ADK: variants seen among roughly 807,000 people sequenced by gnomAD.
The protein encoded by ADK is N6,N6-dimethyladenosine kinase.
In ADK, 24 loss-of-function variants were observed where a neutral mutation model predicts 44.7. The observed-to-expected ratio is 0.54, with a 90% confidence interval of 0.39 to 0.76. The LOEUF is 0.76. Among genes scored for constraint, ADK ranks in the 30% least tolerant of loss-of-function variants. The probability of loss-of-function intolerance (pLI) is 0.00; values close to 1 mark genes in which losing one functional copy is unlikely to be tolerated. For missense variants in ADK, 321 were observed against 425.1 expected (o/e 0.76, Z 2.15); for synonymous variants, 128 against 142.6 (o/e 0.90, Z 0.73).
chr10:74,377,232 G>A (rs1244802327), intron 4 of ADK, among the ~76,000 whole-genome samples: 1 of 152,152 alleles, frequency 6.6e-6, no homozygotes, highest in Non-Finnish European at 1.5e-5. Context: ...CATGAGATCT[G>A]TAAATCTGGA....
At chr10:74,416,837 C>G (rs1001487076) in intron 6 of ADK, among the ~76,000 whole-genome samples, 1 of 151,632 alleles carries the variant, frequency 6.6e-6, no homozygotes, top group African/African-American at 2.4e-5. Flanking sequence ...TAGAATAGTC[C>G]ACCAAAAATA....
chr10:74,595,770 G>A (rs77826317), intron 8 of ADK, among the ~76,000 whole-genome samples: 117,925 of 118,070 alleles, frequency 1, 58,890 homozygotes, highest in Admixed American at 1. Flanking sequence ...GCCAAGGTGG[G>A]TGGATCACCT....
At chr10:74,538,968 C>T (rs1171489282) in intron 7 of ADK, among the ~76,000 whole-genome samples, 1 of 152,070 alleles carries the variant, frequency 6.6e-6, no homozygotes, top group African/African-American at 2.4e-5. Flanking sequence ...TAATTATGTA[C>T]ACCAAATAGT....
chr10:74,502,152 A>G (rs909378635), intron 6 of ADK, among the ~76,000 whole-genome samples: 1 of 152,128 alleles, frequency 6.6e-6, no homozygotes, highest in Admixed American at 6.5e-5. Flanking sequence ...AGCTAGTCCA[A>G]ACCCAGGCCA....
At chr10:74,245,234 AAT>A (rs1172734734) in intron 3 of ADK, among the ~76,000 whole-genome samples, 12 of 152,256 alleles carry the variant, frequency 7.9e-5, no homozygotes. Flanking sequence ...TAGGCCAGTA[AAT>A]ATATATAGTA....
intron 9 of ADK, among the ~76,000 whole-genome samples, chr10:74,619,143 G>A (rs1245085843): frequency 6.6e-6 from 1 of 151,132 alleles, no homozygotes; most frequent in East Asian, 1.9e-4. Flanking sequence ...CTTCTGCTTT[G>A]TCCCATCTGC....
At chr10:74,501,368 A>C (rs1002184420) in intron 6 of ADK, among the ~76,000 whole-genome samples, 5 of 152,208 alleles carry the variant, frequency 3.3e-5, no homozygotes, top group Non-Finnish European at 5.9e-5. Context: ...TCTTCATCAT[A>C]TATAAAATTT....
intron 7 of ADK, among the ~76,000 whole-genome samples, chr10:74,582,101 T>A (rs753204177): frequency 3.9e-5 from 6 of 152,266 alleles, no homozygotes; most frequent in Non-Finnish European, 8.8e-5. Flanking sequence ...CAACCACGTA[T>A]TATCTCATTA....
chr10:74,241,622 G>A (rs1460027341), intron 3 of ADK, among the ~76,000 whole-genome samples: 3 of 152,164 alleles, frequency 2.0e-5, no homozygotes, highest in African/African-American at 7.2e-5. Context: ...CTGACCTCAA[G>A]TGATCCACCC....
intron 3 of ADK, among the ~76,000 whole-genome samples, chr10:74,283,540 C>A (rs1376427168): frequency 6.8e-6 from 1 of 147,322 alleles, no homozygotes; most frequent in African/African-American, 2.5e-5. Context: ...CATCTTTGAT[C>A]CCCAGGTTGC....
chr10:74,302,101 GTTTGTTTGTT>G lies in ADK; in HGVS notation c.195-12562_195-12553del, dbSNP rs1840063204. Among the ~76,000 whole-genome samples, 9 of 11,690 alleles carry G rather than the reference GTTTGTTTGTT, an allele frequency of 7.7e-4. 1 individual carries two copies. Among genetic ancestry groups the G allele is most frequent in the African/African-American group, 2.6e-3 (9 of 3,528 alleles). The allele number at this position is 11,690 out of a possible 152,430, so 7.7% of individuals were successfully genotyped here. On this transcript the variant is annotated intron_variant, in intron 3 of 10. Coordinates refer to ENST00000539909, the MANE Select transcript of ADK (RefSeq NM_006721.4). ...TTCTTTTCTTTTCTGTTTTTTTTTTGTTTGTTTGTTTTTTTTTTTTTTTTTTTTTTTTTTT... is the reference window on the plus strand; with the variant it reads ...TTCTTTTCTTTTCTGTTTTTTTTTTGTTTTTTTTTTTTTTTTTTTTTTTTT...
At chr10:74,682,555 G>GTTTTC (rs1321654721) in intron 10 of ADK, among the ~76,000 whole-genome samples, 2,782 of 134,100 alleles carry the variant, frequency 0.021, 88 homozygotes, top group African/African-American at 0.053. Flanking sequence ...TTAAGCTTTA[G>GTTTTC]TTTTCTTTTC....
At chr10:74,297,225 TTGAG>T (rs1178051946) in intron 3 of ADK, among the ~76,000 whole-genome samples, 3 of 152,200 alleles carry the variant, frequency 2.0e-5, no homozygotes, top group Admixed American at 6.5e-5. Context: ...CTAGGTAAAT[TTGAG>T]TGTTGTATTT....
At chr10:74,367,548 G>A (rs959511556) in intron 4 of ADK, among the ~76,000 whole-genome samples, 1 of 152,162 alleles carries the variant, frequency 6.6e-6, no homozygotes, top group African/African-American at 2.4e-5. Context: ...TTGCATGTGT[G>A]AGTTTACCTA....
chr10:74,234,303 C>T (rs1844883181), intron 3 of ADK, among the ~76,000 whole-genome samples: 1 of 152,170 alleles, frequency 6.6e-6, no homozygotes, highest in Non-Finnish European at 1.5e-5. Context: ...ATTTTGTGAT[C>T]TAATTTAATC....
chr10:74,533,927 T>C (rs1849371195), intron 7 of ADK, among the ~76,000 whole-genome samples: 1 of 152,302 alleles, frequency 6.6e-6, no homozygotes, highest in Non-Finnish European at 1.5e-5. Flanking sequence ...TTCCATAGAA[T>C]AGAATACTAC....
intron 4 of ADK, among the ~76,000 whole-genome samples, chr10:74,374,906 G>A (rs1258210135): frequency 6.6e-6 from 1 of 151,810 alleles, no homozygotes; most frequent in Non-Finnish European, 1.5e-5. Context: ...CAAGTTTTTT[G>A]TTCGTACCTT....
intron 3 of ADK, among the ~76,000 whole-genome samples, chr10:74,228,316 T>TA (rs1283083683): frequency 2.0e-5 from 3 of 152,202 alleles, no homozygotes; most frequent in Non-Finnish European, 4.4e-5. Context: ...GGGATGATTT[T>TA]AAGTAGAGAA....
chr10:74,327,324 A>T (rs1014317710), intron 4 of ADK, among the ~76,000 whole-genome samples: 3 of 152,026 alleles, frequency 2.0e-5, no homozygotes, highest in Admixed American at 6.6e-5. Flanking sequence ...TCCTCTTATT[A>T]TTGACTTCTA....
Sources: allele counts gnomAD v4.1 joint callset (sites outside exome capture counted in the v4.1 genomes callset), GRCh38; gene constraint gnomAD v4.1.1; transcripts MANE v1.5; gene names NCBI Gene and HGNC (gene_info 2026-07-23, HGNC 2026-07-21).